TMBIM4: variants seen among roughly 807,000 people sequenced by gnomAD.
The protein encoded by TMBIM4 is protein lifeguard 4.
TMBIM4 carries 28 observed loss-of-function variants against 27.7 expected under a neutral mutation model. The observed-to-expected ratio is 1.01, with a 90% CI of 0.75 to 1.38. The LOEUF is 1.38. Ranked by LOEUF, TMBIM4 falls within the 40% of genes most tolerant of loss-of-function variation. The pLI is 0.00. For synonymous variants in TMBIM4, 115 were observed against 113.1 expected (o/e 1.02, Z -0.11); for missense variants, 265 against 277.5 (o/e 0.95, Z 0.32).
chr12:66,150,816 A>T (rs1334933027), intron 3 of TMBIM4, among the ~76,000 whole-genome samples: 1 of 152,236 alleles, frequency 6.6e-6, no homozygotes, highest in African/African-American at 2.4e-5. Context: ...TCATATAAAA[A>T]TTAAAGATAG....
chr12:66,145,769 G>T, intron 5 of TMBIM4, 72 bp downstream of exon 5: 1 of 884,248 alleles, frequency 1.1e-6, no homozygotes, highest in Non-Finnish European at 1.8e-6. Flanking sequence ...TAACAGTGTA[G>T]CACATTCCTC....
chr12:66,139,156 G>T (rs995520516), intron 5 of TMBIM4, among the ~76,000 whole-genome samples: 1 of 152,080 alleles, frequency 6.6e-6, no homozygotes, highest in Non-Finnish European at 1.5e-5. Flanking sequence ...GTAATAACAA[G>T]TTATTCTGTG....
At chr12:66,147,501 T>C (rs1292835267) in intron 4 of TMBIM4, among the ~76,000 whole-genome samples, 1 of 152,200 alleles carries the variant, frequency 6.6e-6, no homozygotes, top group Non-Finnish European at 1.5e-5. Flanking sequence ...AATATGAGGA[T>C]ATAATGTTAA....
chr12:66,158,637 T>A, intron 1 of TMBIM4, among the ~76,000 whole-genome samples: 1 of 146,646 alleles, frequency 6.8e-6, no homozygotes, highest in Non-Finnish European at 1.5e-5. Context: ...AGAGCAAGAC[T>A]CTGTCTCAAA....
At chr12:66,143,639 A>G (rs1036476579) in intron 5 of TMBIM4, among the ~76,000 whole-genome samples, 2 of 152,168 alleles carry the variant, frequency 1.3e-5, no homozygotes, top group African/African-American at 2.4e-5. Context: ...GATGTTGTAA[A>G]AACATCACAG....
At chr12:66,147,278 A>G (rs2136856985) in intron 4 of TMBIM4, among the ~76,000 whole-genome samples, 1 of 152,306 alleles carries the variant, frequency 6.6e-6, no homozygotes. Context: ...ACTTGCTATT[A>G]TGGAGAGTAA....
intron 1 of TMBIM4, chr12:66,169,460 T>C (rs975227652): frequency 6.7e-5 from 34 of 510,546 alleles, no homozygotes; most frequent in Admixed American, 8.0e-5. Flanking sequence ...AGGCCGTGGA[T>C]TCCACTCGTG....
chr12:66,166,648 G>A (rs183373646), intron 1 of TMBIM4, among the ~76,000 whole-genome samples: 1 of 152,312 alleles, frequency 6.6e-6, no homozygotes, highest in African/African-American at 2.4e-5. Flanking sequence ...ATCATCAAAT[G>A]CTGACGAGTA....
chr12:66,146,263 T>C lies in TMBIM4; in HGVS notation c.347-305A>G, dbSNP rs1405679912. Among the ~76,000 whole-genome samples the C allele has an allele frequency of 3.3e-5, 5 of 152,162 alleles. No homozygotes were observed. In the East Asian group the frequency reaches 9.6e-4, roughly 29 times the overall value. On this transcript the variant is annotated intron_variant, in intron 4 of 6. Transcript: ENST00000358230. ...GGAGTTCTACAGGTATGGGAGTGAT[T>C]CTCAGCCATCTCTGTCCCAGGCACA... is the stretch of plus-strand genomic sequence containing the variant.
At chr12:66,160,031 G>C in intron 1 of TMBIM4, 1 of 563,368 alleles carries the variant, frequency 1.8e-6, no homozygotes, top group Non-Finnish European at 3.2e-6. Flanking sequence ...CCACTACCTG[G>C]TTTTGTAACT....
chr12:66,144,837 G>A (rs1271279178), intron 5 of TMBIM4: 1 of 152,108 alleles, frequency 6.6e-6, no homozygotes, highest in African/African-American at 2.4e-5. Flanking sequence ...ATCTATATAT[G>A]ATCACTGTAA....
chr12:66,168,893 A>C (rs1181830928), intron 1 of TMBIM4: 5 of 187,452 alleles, frequency 2.7e-5, no homozygotes, highest in African/African-American at 1.2e-4. Flanking sequence ...AAAAATAGTT[A>C]AGACGGTAAA....
chr12:66,166,366 G>A (rs557984439), intron 1 of TMBIM4, among the ~76,000 whole-genome samples: 6 of 151,440 alleles, frequency 4.0e-5, no homozygotes, highest in East Asian at 1.9e-4. Flanking sequence ...TCAGGAGGCC[G>A]AGATGGGAGG....
intron 1 of TMBIM4, among the ~76,000 whole-genome samples, chr12:66,163,112 C>G (rs1474471514): frequency 2.0e-5 from 3 of 152,200 alleles, no homozygotes; most frequent in Non-Finnish European, 4.4e-5. Flanking sequence ...TATTCACACA[C>G]CAGATACCAC....
intron 3 of TMBIM4, 27 bp downstream of exon 3, chr12:66,152,244 G>T: frequency 7.3e-7 from 1 of 1,368,398 alleles, no homozygotes; most frequent in South Asian, 1.4e-5. Flanking sequence ...TAATTGTTAA[G>T]GGAATAGAGA....
intron 1 of TMBIM4, among the ~76,000 whole-genome samples, chr12:66,154,445 A>C (rs894167337): frequency 6.6e-6 from 1 of 152,224 alleles, no homozygotes; most frequent in Non-Finnish European, 1.5e-5. Flanking sequence ...ACAGTCGTTA[A>C]ATTTTATTTG....
At chr12:66,156,319 G>A (rs10878388) in intron 1 of TMBIM4, among the ~76,000 whole-genome samples, 11,681 of 152,082 alleles carry the variant, frequency 0.077, 1,034 homozygotes, top group East Asian at 0.51. Flanking sequence ...TGTTCTCATC[G>A]ATAACCAGCA....
chr12:66,137,870 C>T lies in TMBIM4; in HGVS notation c.*90G>A, dbSNP rs1017881272. 20 of 972,922 alleles carry T rather than the reference C, an allele frequency of 2.1e-5. No individual in the cohort carries two copies. The highest frequency in any genetic ancestry group is 2.9e-5 in the Non-Finnish European group (19 of 647,274). The allele number at this position is 972,922 out of a possible 1,614,324, so 60.3% of individuals were successfully genotyped here. Reference sequence around the variant, plus strand: ...TTTCAAACTTTATTACTTAATGAAACAGTTTCTATATACTGCTTCCAATTA... The same window carrying T: ...TTTCAAACTTTATTACTTAATGAAATAGTTTCTATATACTGCTTCCAATTA... On this transcript the variant is annotated 3_prime_UTR_variant, in exon 7 of 7. Transcript: ENST00000358230.
intron 1 of TMBIM4, among the ~76,000 whole-genome samples, chr12:66,157,309 A>C (rs1187522475): frequency 6.6e-6 from 1 of 152,132 alleles, no homozygotes; most frequent in Non-Finnish European, 1.5e-5. Context: ...AGCCAGTGAG[A>C]AACTAGGGAC....
Sources: gnomAD v4.1 joint callset for allele counts (sites outside exome capture counted in the v4.1 genomes callset) on GRCh38, gnomAD v4.1.1 for gene constraint, MANE v1.5 for transcripts, NCBI Gene and HGNC (gene_info 2026-07-23, HGNC 2026-07-21) for gene names.